Variants in AGBL3 observed in about 807,000 individuals in gnomAD.
AGBL3 encodes cytosolic carboxypeptidase 3.
In AGBL3, 68 loss-of-function variants were observed where a neutral mutation model predicts 94.5. The ratio of observed to expected loss-of-function variants is 0.72; its 90% CI spans 0.59 to 0.88. The LOEUF (loss-of-function observed/expected upper bound fraction) is 0.88. AGBL3 is among the 40% of genes least tolerant of loss of function. AGBL3 has a pLI of 0.00. For missense variants in AGBL3, 934 were observed against 1,103.8 expected (o/e 0.85, Z 2.18); for synonymous variants, 354 against 370.7 (o/e 0.95, Z 0.52).
At chr7:135,066,877 C>T (rs984531706) in intron 12 of AGBL3, among the ~76,000 whole-genome samples, 2 of 152,162 alleles carry the variant, frequency 1.3e-5, no homozygotes, top group Non-Finnish European at 2.9e-5. Flanking sequence ...ATGGGGATGT[C>T]GGACAGTGGG....
chr7:135,127,603 G>A (rs1458785910), intron 16 of AGBL3, among the ~76,000 whole-genome samples: 5 of 150,470 alleles, frequency 3.3e-5, no homozygotes, highest in South Asian at 2.1e-4. Flanking sequence ...TCAGAGAAAC[G>A]TAAATCAAAA....
At chr7:135,055,958 A>G (rs1388097034) in intron 11 of AGBL3, among the ~76,000 whole-genome samples, 1 of 151,962 alleles carries the variant, frequency 6.6e-6, no homozygotes, top group East Asian at 1.9e-4. Flanking sequence ...ATATCTATCT[A>G]TTAGATCTAT....
At chr7:135,067,676 G>A (rs1333312601) in intron 12 of AGBL3, among the ~76,000 whole-genome samples, 1 of 152,214 alleles carries the variant, frequency 6.6e-6, no homozygotes, top group African/African-American at 2.4e-5. Context: ...GCAGCTGAGG[G>A]TCCTGACTGT....
At chr7:135,020,920 A>AG (rs1814363068) in intron 5 of AGBL3, among the ~76,000 whole-genome samples, 1 of 85,688 alleles carries the variant, frequency 1.2e-5, no homozygotes, top group African/African-American at 4.6e-5. Context: ...GGAGTGGGGG[A>AG]GGGGGGAGGG....
chr7:134,992,920 C>T (rs1443068853), intron 3 of AGBL3, among the ~76,000 whole-genome samples: 1 of 152,132 alleles, frequency 6.6e-6, no homozygotes, highest in African/African-American at 2.4e-5. Context: ...AAGAGAAGTG[C>T]GCTTAAGGAG....
chr7:135,016,574 A>C (rs1813833173), intron 4 of AGBL3, among the ~76,000 whole-genome samples: 1 of 152,200 alleles, frequency 6.6e-6, no homozygotes, highest in African/African-American at 2.4e-5. Context: ...AAGAAAGCTG[A>C]TAGCTAAAGG....
intron 13 of AGBL3, among the ~76,000 whole-genome samples, chr7:135,077,884 C>T (rs1820602883): frequency 6.6e-6 from 1 of 152,206 alleles, no homozygotes; most frequent in South Asian, 2.1e-4. Flanking sequence ...CCTTTCCCTG[C>T]TGCTGGCTGC....
intron 9 of AGBL3, among the ~76,000 whole-genome samples, chr7:135,045,152 C>T (rs981327219): frequency 2.6e-5 from 4 of 152,014 alleles, no homozygotes; most frequent in African/African-American, 7.2e-5. Flanking sequence ...AACCTTTTCT[C>T]ATAAAATCTT....
chr7:135,106,217 A>G (rs549335127), intron 15 of AGBL3, among the ~76,000 whole-genome samples: 2 of 152,150 alleles, frequency 1.3e-5, no homozygotes, highest in East Asian at 3.9e-4. Context: ...GATGCTCTTT[A>G]TTTCTTTATC....
chr7:135,131,209 A>C (rs1828711977), intron 16 of AGBL3, among the ~76,000 whole-genome samples: 1 of 152,198 alleles, frequency 6.6e-6, no homozygotes, highest in Non-Finnish European at 1.5e-5. Flanking sequence ...AACTTAATAC[A>C]GGAACAGAAA....
intron 16 of AGBL3, among the ~76,000 whole-genome samples, chr7:135,121,526 A>G (rs1312634599): frequency 3.3e-5 from 5 of 152,002 alleles, no homozygotes; most frequent in Non-Finnish European, 7.4e-5. Context: ...GAATCCAACT[A>G]GAAATCAATA....
chr7:135,103,708 A>C (rs2117053834), intron 15 of AGBL3, among the ~76,000 whole-genome samples: 1 of 152,266 alleles, frequency 6.6e-6, no homozygotes, highest in South Asian at 2.1e-4. Flanking sequence ...TGAAAGTTGG[A>C]ATCTGGACAG....
chr7:135,080,430 C>T (rs146468435), intron 14 of AGBL3, among the ~76,000 whole-genome samples, 170 bp downstream of exon 14: 48 of 152,270 alleles, frequency 3.2e-4, no homozygotes, highest in African/African-American at 1.1e-3. Flanking sequence ...AAAGAAACAA[C>T]AACAATCCAA....
rs1813918027 is a variant in AGBL3 at position 135,017,342 on chromosome 7, T to C, written c.418+183T>C. On this transcript the variant is annotated intron_variant, in intron 5 of 16. Transcript: ENST00000436302. ...AGCCAGTTATATTTTTGAAGGTGTA[T>C]TGCAGTTTATGCAAAGTTACTTTAA... is the stretch of plus-strand genomic sequence containing the variant. The C allele has an allele frequency of 2.5e-5, 14 of 566,694 alleles. 1 individual carries two copies. In the South Asian group the frequency reaches 2.6e-4, roughly 10 times the overall value. The allele number at this position is 566,694 out of a possible 1,614,324, so 35.1% of individuals were successfully genotyped here. A position where few individuals can be genotyped will look rare whatever the true frequency, so the allele number is the denominator to read the frequency against.
chr7:135,077,735 GTCAAATCTTAAAACGT>G, intron 13 of AGBL3, among the ~76,000 whole-genome samples: 1 of 151,910 alleles, frequency 6.6e-6, no homozygotes. Context: ...ATGCCCCTGA[GTCAAATCTTAAAACGT>G]TCACATACCA....
intron 12 of AGBL3, among the ~76,000 whole-genome samples, chr7:135,074,120 GTTAA>G (rs1820235868): frequency 6.6e-6 from 1 of 152,174 alleles, no homozygotes; most frequent in Non-Finnish European, 1.5e-5. Context: ...TGATACGTGT[GTTAA>G]TTAGCTTGAT....
chr7:134,998,149 A>G (rs750318012), intron 4 of AGBL3, among the ~76,000 whole-genome samples: 5 of 152,204 alleles, frequency 3.3e-5, no homozygotes, highest in Non-Finnish European at 7.3e-5. Context: ...TAGTAGATGT[A>G]ACCTGAAAAA....
intron 13 of AGBL3, among the ~76,000 whole-genome samples, chr7:135,077,754 A>T (rs550707897): frequency 6.6e-6 from 1 of 152,128 alleles, no homozygotes; most frequent in South Asian, 2.1e-4. Flanking sequence ...TAAAACGTTC[A>T]CATACCAGTT....
chr7:135,111,739 C>G (rs1463788271), intron 15 of AGBL3, among the ~76,000 whole-genome samples: 1 of 152,138 alleles, frequency 6.6e-6, no homozygotes, highest in South Asian at 2.1e-4. Context: ...TAGGACATCA[C>G]CTCTGCCTAA....
Sources: gnomAD v4.1 joint callset for allele counts (sites outside exome capture counted in the v4.1 genomes callset) on GRCh38, gnomAD v4.1.1 for gene constraint, MANE v1.5 for transcripts, NCBI Gene and HGNC (gene_info 2026-07-23, HGNC 2026-07-21) for gene names.